The following VPS41 variants were observed in gnomAD, a reference collection of about 807,000 sequenced individuals.
VPS41 encodes the protein VPS41 subunit of HOPS complex.
In VPS41, 85 loss-of-function variants were observed where a neutral mutation model predicts 130.9. That is an observed-to-expected ratio of 0.65 (90% confidence interval 0.55 to 0.78). The LOEUF (loss-of-function observed/expected upper bound fraction) is 0.78, where lower values mean the gene tolerates loss of function less well. Among genes scored for constraint, VPS41 ranks in the 30% least tolerant of loss-of-function variants. The pLI is 0.00. For synonymous variants in VPS41, 335 were observed against 332.9 expected (o/e 1.01, Z -0.07); for missense variants, 874 against 1,018.7 (o/e 0.86, Z 1.93).
chr7:38,799,002 T>A (rs1784675026), intron 7 of VPS41, among the ~76,000 whole-genome samples: 1 of 151,920 alleles, frequency 6.6e-6, no homozygotes, highest in African/African-American at 2.4e-5. Flanking sequence ...CCCCCTACAC[T>A]CAGTGTAATG....
At chr7:38,733,118 G>A (rs982215403) in intron 25 of VPS41, among the ~76,000 whole-genome samples, 15 of 152,258 alleles carry the variant, frequency 9.9e-5, no homozygotes, top group African/African-American at 2.4e-4. Context: ...ATGAACCACC[G>A]TATCCAGCCA....
chr7:38,860,596 T>C (rs1042348164), intron 4 of VPS41, among the ~76,000 whole-genome samples: 6 of 152,162 alleles, frequency 3.9e-5, no homozygotes, highest in Admixed American at 2.6e-4. Flanking sequence ...AATAGGCTGT[T>C]CTTTTTAATT....
chr7:38,786,195 A>G (rs1784433775), intron 10 of VPS41, among the ~76,000 whole-genome samples: 1 of 152,190 alleles, frequency 6.6e-6, no homozygotes, highest in Non-Finnish European at 1.5e-5. Flanking sequence ...GGCTAGGCAC[A>G]CCTAAGTGCA....
chr7:38,735,774 C>G (rs1795750953), intron 25 of VPS41, among the ~76,000 whole-genome samples: 1 of 152,126 alleles, frequency 6.6e-6, no homozygotes, highest in Non-Finnish European at 1.5e-5. Flanking sequence ...ACTTTGAAAA[C>G]AACTATTCCA....
chr7:38,789,810 C>T lies in VPS41; in HGVS notation c.775G>A (p.Val259Ile). 1 of 1,613,768 alleles carries T rather than the reference C, an allele frequency of 6.2e-7. No individual in the cohort carries two copies. ...SEMRDLPSRY[V>I]EIVSQFETEF... Reference sequence around the variant, plus strand: ...AGTGTTGGAGCCATACCTATTTCAACATATCGACTTGGCAAATCCCTCATT... The same window carrying T: ...AGTGTTGGAGCCATACCTATTTCAATATATCGACTTGGCAAATCCCTCATT... Residue 259 changes from valine to isoleucine, a missense_variant, in exon 10 of 29, where the codon GTT (valine) becomes ATT (isoleucine). Transcript: ENST00000310301.
intron 23 of VPS41, among the ~76,000 whole-genome samples, chr7:38,744,486 T>A (rs1243029794): frequency 2.0e-5 from 3 of 152,222 alleles, no homozygotes; most frequent in Non-Finnish European, 4.4e-5. Flanking sequence ...ACAGTTTATG[T>A]CTCTAAAAAT....
chr7:38,871,429 G>A (rs1786356835), intron 2 of VPS41, among the ~76,000 whole-genome samples: 1 of 152,192 alleles, frequency 6.6e-6, no homozygotes, highest in Admixed American at 6.5e-5. Context: ...CATCATGCTA[G>A]AGACTTAATA....
chr7:38,901,759 G>A (rs548825992), intron 1 of VPS41, among the ~76,000 whole-genome samples: 1 of 152,168 alleles, frequency 6.6e-6, no homozygotes, highest in Non-Finnish European at 1.5e-5. Flanking sequence ...GTTAAGGTGG[G>A]GGTGGCTCAC....
chr7:38,798,258 T>C (rs1334097278), intron 7 of VPS41, among the ~76,000 whole-genome samples: 2 of 152,190 alleles, frequency 1.3e-5, no homozygotes, highest in African/African-American at 4.8e-5. Flanking sequence ...GAGAAGATTA[T>C]GCCCCACTAA....
At chr7:38,844,522 T>C (rs1785682230) in intron 4 of VPS41, among the ~76,000 whole-genome samples, 1 of 151,988 alleles carries the variant, frequency 6.6e-6, no homozygotes, top group Non-Finnish European at 1.5e-5. Flanking sequence ...ATCTTGGAAA[T>C]AATCTAAAAA....
At chr7:38,832,615 T>G (rs768662451) in intron 4 of VPS41, among the ~76,000 whole-genome samples, 8 of 152,150 alleles carry the variant, frequency 5.3e-5, no homozygotes, top group Non-Finnish European at 1.2e-4. Context: ...TCACAACTTT[T>G]CACATTTTCT....
chr7:38,765,846 T>C (rs368636370), intron 15 of VPS41, 185 bp from the exon 16 acceptor site: 12 of 480,968 alleles, frequency 2.5e-5, no homozygotes, highest in Middle Eastern at 5.0e-4. Flanking sequence ...TTTGGTTGCA[T>C]ACATAAATTA....
At chr7:38,751,693 T>C (rs2115700498) in intron 22 of VPS41, among the ~76,000 whole-genome samples, 1 of 152,204 alleles carries the variant, frequency 6.6e-6, no homozygotes, top group Non-Finnish European at 1.5e-5. Flanking sequence ...ATGTAGGATG[T>C]AGGAGAAACA....
chr7:38,781,360 T>C (rs1193661916), intron 10 of VPS41, among the ~76,000 whole-genome samples: 1 of 152,244 alleles, frequency 6.6e-6, no homozygotes, highest in Non-Finnish European at 1.5e-5. Flanking sequence ...CATTTGACAG[T>C]GCAGGTCTAG....
chr7:38,768,075 G>T (rs17171461), intron 14 of VPS41, among the ~76,000 whole-genome samples: 6,007 of 152,258 alleles, frequency 0.039, 136 homozygotes, highest in African/African-American at 0.049. Context: ...GAATATTAAA[G>T]TTGATATGAG....
At chr7:38,767,683 T>TAA in intron 14 of VPS41, 85 bp from the exon 15 acceptor site, 4 of 923,112 alleles carry the variant, frequency 4.3e-6, no homozygotes, top group Non-Finnish European at 6.9e-6. Context: ...GGGCATAACA[T>TAA]TAGGGTCCTA....
At chr7:38,737,277 C>T (rs1795788142) in intron 25 of VPS41, among the ~76,000 whole-genome samples, 1 of 152,010 alleles carries the variant, frequency 6.6e-6, no homozygotes, top group African/African-American at 2.4e-5. Context: ...GAGGCTGATG[C>T]AGGAGAATTG....
chr7:38,723,746 A>AAAAAAAAAAAAAAAG lies in VPS41; in HGVS notation c.*2499_*2500insCTTTTTTTTTTTTTT, dbSNP rs1795483328. 1 of 149,664 alleles carries AAAAAAAAAAAAAAAG rather than the reference A, an allele frequency of 6.7e-6. No homozygotes were observed. The highest frequency in any genetic ancestry group is 2.5e-5 in the African/African-American group (1 of 40,340). The allele number at this position is 149,664 out of a possible 1,614,324, so 9.3% of individuals were successfully genotyped here. A position where few individuals can be genotyped will look rare whatever the true frequency, so the allele number is the denominator to read the frequency against. On this transcript the variant is annotated 3_prime_UTR_variant, in exon 29 of 29. Transcript: ENST00000310301. Reference sequence around the variant, plus strand: ...CTCAAAAAAAAAAAAAAAAAAAAAAAAAAAAAGAATAGCTTATGAAGTGTG... The same window carrying AAAAAAAAAAAAAAAG: ...CTCAAAAAAAAAAAAAAAAAAAAAAAAAAAAAAAAAAAAAGAAAAAAGAATAGCTTATGAAGTGTG...
At chr7:38,787,490 T>G (rs1382027297) in intron 10 of VPS41, among the ~76,000 whole-genome samples, 1 of 152,226 alleles carries the variant, frequency 6.6e-6, no homozygotes, top group African/African-American at 2.4e-5. Flanking sequence ...TCTCTTCATG[T>G]GTTGGTGATT....
Sources: gnomAD v4.1 joint callset for allele counts (sites outside exome capture counted in the v4.1 genomes callset) on GRCh38, gnomAD v4.1.1 for gene constraint, MANE v1.5 for transcripts, NCBI Gene and HGNC (gene_info 2026-07-23, HGNC 2026-07-21) for gene names.